The following SOX5 variants were observed in gnomAD, a reference collection of about 807,000 sequenced individuals.
SOX5 encodes transcription factor SOX-5.
In SOX5, 9 loss-of-function variants were observed where a neutral mutation model predicts 92.0. The observed-to-expected ratio is 0.10, with a 90% CI of 0.06 to 0.17. The LOEUF is 0.17. Among genes scored for constraint, SOX5 ranks in the 10% least tolerant of loss-of-function variants. SOX5 has a pLI of 1.00. For missense variants in SOX5, 642 were observed against 944.5 expected (o/e 0.68, Z 4.20); for synonymous variants, 344 against 336.3 (o/e 1.02, Z -0.25).
At chr12:24,453,621 G>T (rs908821204) in intron 1 of SOX5, among the ~76,000 whole-genome samples, 1 of 152,176 alleles carries the variant, frequency 6.6e-6, no homozygotes, top group African/African-American at 2.4e-5. Context: ...TAACAGAAAT[G>T]ATGGCTTGAA....
At chr12:24,420,189 A>G (rs565651957) in intron 1 of SOX5, among the ~76,000 whole-genome samples, 2 of 152,354 alleles carry the variant, frequency 1.3e-5, no homozygotes, top group East Asian at 3.9e-4. Flanking sequence ...GAAAACTTTA[A>G]GCACATACAA....
At chr12:24,247,816 A>G (rs1392633298) in intron 3 of SOX5, among the ~76,000 whole-genome samples, 1 of 151,482 alleles carries the variant, frequency 6.6e-6, no homozygotes, top group African/African-American at 2.4e-5. Flanking sequence ...ACACCTGGCT[A>G]ATTTTTTTTG....
Position 23,560,471 on chromosome 12 carries a change from CAT to C in SOX5, c.1488+2785_1488+2786del, listed in dbSNP as rs561193970. Among the ~76,000 whole-genome samples, 25 of 152,190 alleles carry C rather than the reference CAT, an allele frequency of 1.6e-4. 1 individual carries two copies. The South Asian group carries it at 5.2e-3, about 32-fold the overall frequency. Reference sequence around the variant, plus strand: ...GATATGTGGTTTATATGAGAGAAAACATATCTACCTTTGTCAACTCAAGGATG... The same window carrying C: ...GATATGTGGTTTATATGAGAGAAAACATCTACCTTTGTCAACTCAAGGATG... On this transcript the variant is annotated intron_variant, in intron 11 of 14. Transcript: ENST00000451604.
intron 3 of SOX5, among the ~76,000 whole-genome samples, chr12:23,765,089 A>T (rs2094676922): frequency 2.0e-5 from 3 of 152,072 alleles, no homozygotes. Flanking sequence ...TTTAAAATTT[A>T]AAAAACCCTC....
At chr12:24,330,238 T>C (rs754681204) in intron 2 of SOX5, among the ~76,000 whole-genome samples, 4 of 152,140 alleles carry the variant, frequency 2.6e-5, no homozygotes, top group Non-Finnish European at 5.9e-5. Flanking sequence ...TGACAATACA[T>C]GTAAAGTTAA....
At chr12:24,238,872 C>T (rs1220454813) in intron 3 of SOX5, among the ~76,000 whole-genome samples, 1 of 152,242 alleles carries the variant, frequency 6.6e-6, no homozygotes, top group Non-Finnish European at 1.5e-5. Context: ...GCCCATCTCT[C>T]ACATTCAATG....
At chr12:24,156,303 T>C (rs1952165624) in intron 4 of SOX5, among the ~76,000 whole-genome samples, 1 of 152,154 alleles carries the variant, frequency 6.6e-6, no homozygotes, top group African/African-American at 2.4e-5. Flanking sequence ...AAGCATAACC[T>C]GCTTGGCCTC....
intron 2 of SOX5, among the ~76,000 whole-genome samples, chr12:24,327,925 C>T (rs1403612682): frequency 1.3e-5 from 2 of 152,046 alleles, no homozygotes; most frequent in Non-Finnish European, 2.9e-5. Flanking sequence ...CTTGTGACCT[C>T]AAGTGGTCCA....
chr12:24,284,323 G>A (rs1945570917), intron 2 of SOX5, among the ~76,000 whole-genome samples: 1 of 152,036 alleles, frequency 6.6e-6, no homozygotes, highest in South Asian at 2.1e-4. Context: ...ATCCCTGGAG[G>A]TCAAGTTTCT....
chr12:23,909,659 G>A (rs1436366894), intron 1 of SOX5, among the ~76,000 whole-genome samples: 1 of 152,128 alleles, frequency 6.6e-6, no homozygotes, highest in Non-Finnish European at 1.5e-5. Flanking sequence ...CAAAGGCCCA[G>A]CTGTATAAAC....
At chr12:24,303,088 T>A (rs1242208769) in intron 2 of SOX5, among the ~76,000 whole-genome samples, 1 of 152,164 alleles carries the variant, frequency 6.6e-6, no homozygotes, top group East Asian at 1.9e-4. Context: ...GACCATTTTT[T>A]ATACCATTAG....
In SOX5 at chr12:23,533,533, T is replaced by C. The variant is rs1216258010; in HGVS notation, c.*686A>G. The C allele has an allele frequency of 6.1e-6, 1 of 162,740 alleles. No individual in the cohort carries two copies. Among genetic ancestry groups the C allele is most frequent in the African/African-American group, 2.4e-5 (1 of 41,612 alleles). 10.1% of individuals were successfully genotyped at this position (162,740 alleles called of 1,614,324 possible). A position where few individuals can be genotyped will look rare whatever the true frequency, so the allele number is the denominator to read the frequency against. On this transcript the variant is annotated 3_prime_UTR_variant, in exon 15 of 15. Coordinates refer to ENST00000451604, the MANE Select transcript of SOX5 (RefSeq NM_006940.6). The stretch of plus-strand genomic sequence containing the variant: ...CTCAAAGATGTAGTGTGGTGTGCAA[T>C]AGATAAAGTCCTCTAAAGAAAATAA...
At chr12:24,360,890 C>A (rs1383927715) in intron 2 of SOX5, among the ~76,000 whole-genome samples, 5 of 152,172 alleles carry the variant, frequency 3.3e-5, no homozygotes, top group African/African-American at 1.2e-4. Context: ...TGATAAAGTG[C>A]TCTTCAAAAG....
intron 4 of SOX5, among the ~76,000 whole-genome samples, chr12:23,741,383 T>C (rs2093791996): frequency 6.6e-6 from 1 of 152,144 alleles, no homozygotes; most frequent in African/African-American, 2.4e-5. Context: ...TTAAAAATAA[T>C]GTTGGCTGAA....
At chr12:24,345,529 G>C (rs1595789580) in intron 2 of SOX5, among the ~76,000 whole-genome samples, 1 of 152,152 alleles carries the variant, frequency 6.6e-6, no homozygotes, top group African/African-American at 2.4e-5. Flanking sequence ...GTTGAGAACA[G>C]GGTAGTGGTC....
intron 1 of SOX5, among the ~76,000 whole-genome samples, chr12:24,476,380 T>C (rs1330597455): frequency 1.3e-5 from 2 of 152,216 alleles, no homozygotes; most frequent in East Asian, 3.8e-4. Flanking sequence ...CACAGATCTT[T>C]GCAAAGCGCT....
At chr12:24,486,978 T>A (rs1230834517) in intron 1 of SOX5, among the ~76,000 whole-genome samples, 1 of 152,188 alleles carries the variant, frequency 6.6e-6, no homozygotes, top group East Asian at 1.9e-4. Context: ...TATTCCAGGC[T>A]GGTAGGGTCT....
chr12:24,032,037 C>T (rs1004711204), intron 4 of SOX5, among the ~76,000 whole-genome samples: 5 of 151,656 alleles, frequency 3.3e-5, no homozygotes, highest in African/African-American at 1.2e-4. Context: ...TAGTAAGCAA[C>T]GATGAAACCT....
At chr12:24,397,432 T>C (rs1167868553) in intron 1 of SOX5, among the ~76,000 whole-genome samples, 2 of 152,200 alleles carry the variant, frequency 1.3e-5, no homozygotes, top group East Asian at 1.9e-4. Flanking sequence ...ACATATAAAT[T>C]ACCAGTCATC....
Sources: allele counts gnomAD v4.1 joint callset (sites outside exome capture counted in the v4.1 genomes callset), GRCh38; gene constraint gnomAD v4.1.1; transcripts MANE v1.5; gene names NCBI Gene and HGNC (gene_info 2026-07-23, HGNC 2026-07-21).